SLC35F4: variants seen among roughly 807,000 people sequenced by gnomAD.
SLC35F4 encodes the protein solute carrier family 35 member F4, also known as chromosome 14 open reading frame 36.
In SLC35F4, 24 loss-of-function variants were observed where a neutral mutation model predicts 44.2. The observed-to-expected ratio is 0.54, with a 90% CI of 0.39 to 0.76. The LOEUF (loss-of-function observed/expected upper bound fraction) is 0.76, where lower values mean the gene tolerates loss of function less well. Ranked by LOEUF, SLC35F4 falls within the 30% of genes least tolerant of loss-of-function variation. The pLI, the probability that SLC35F4 is intolerant of heterozygous loss-of-function variation, is 0.00. For missense variants in SLC35F4, 562 were observed against 586.1 expected, an observed-to-expected ratio of 0.96 and a Z score of 0.42; for synonymous variants, 238 against 223.6, an observed-to-expected ratio of 1.06 and a Z score of -0.57.
At chr14:57,950,578 G>T (rs1233293714) in intron 1 of SLC35F4, among the ~76,000 whole-genome samples, 1 of 151,338 alleles carries the variant, frequency 6.6e-6, no homozygotes, top group Non-Finnish European at 1.5e-5. Flanking sequence ...TAGGGTGATT[G>T]TTGGGGATGT....
intron 1 of SLC35F4, among the ~76,000 whole-genome samples, chr14:57,779,718 A>G (rs1025517798): frequency 6.6e-6 from 1 of 152,200 alleles, no homozygotes; most frequent in Non-Finnish European, 1.5e-5. Flanking sequence ...GCAGCACATG[A>G]AAAAGCTAAT....
chr14:57,617,004 C>A (rs920356648), intron 1 of SLC35F4, among the ~76,000 whole-genome samples: 2 of 151,992 alleles, frequency 1.3e-5, no homozygotes, highest in Non-Finnish European at 2.9e-5. Flanking sequence ...TTTGCAAAAA[C>A]AGCGTGAATG....
intron 1 of SLC35F4, among the ~76,000 whole-genome samples, chr14:57,824,935 G>T (rs1304628530): frequency 6.6e-6 from 1 of 152,102 alleles, no homozygotes; most frequent in Non-Finnish European, 1.5e-5. Flanking sequence ...GATCCCTCTA[G>T]CTTCCGTGTG....
Position 57,581,211 on chromosome 14 carries a change from T to C in SLC35F4, c.807+3A>G. 1 of 1,544,362 alleles carries C rather than the reference T, an allele frequency of 6.5e-7. No homozygotes were observed. Among genetic ancestry groups the C allele is most frequent in the Non-Finnish European group, 8.7e-7 (1 of 1,147,908 alleles). On this transcript the variant is annotated splice_donor_region_variant and intron_variant, in intron 4 of 7. Transcript: ENST00000556826. Reference sequence around the variant, plus strand: ...TCGCGCATTGAATCAAGTATGCCATTACCCTCACTCCCATGAACCTGTCTT... The same window carrying C: ...TCGCGCATTGAATCAAGTATGCCATCACCCTCACTCCCATGAACCTGTCTT...
At chr14:57,608,378 C>A (rs1048759422) in intron 1 of SLC35F4, among the ~76,000 whole-genome samples, 3 of 152,084 alleles carry the variant, frequency 2.0e-5, no homozygotes, top group African/African-American at 7.2e-5. Flanking sequence ...AAAACTTGGG[C>A]ACACACACTC....
chr14:57,880,002 A>G (rs1888486944), intron 1 of SLC35F4, among the ~76,000 whole-genome samples: 1 of 142,794 alleles, frequency 7.0e-6, no homozygotes, highest in African/African-American at 2.7e-5. Flanking sequence ...AAGGAAGGAA[A>G]GAGAAGGGAA....
intron 1 of SLC35F4, among the ~76,000 whole-genome samples, chr14:57,846,748 C>T (rs867713291): frequency 5.9e-5 from 9 of 152,250 alleles, no homozygotes; most frequent in South Asian, 4.1e-4. Flanking sequence ...TTAACAGTGA[C>T]GTTATCCCAT....
At chr14:57,632,042 C>A (rs926688981) in intron 1 of SLC35F4, among the ~76,000 whole-genome samples, 2 of 152,062 alleles carry the variant, frequency 1.3e-5, no homozygotes, top group African/African-American at 2.4e-5. Context: ...AGGATTGATT[C>A]TAGAACCTTT....
intron 1 of SLC35F4, among the ~76,000 whole-genome samples, chr14:57,760,796 G>A (rs2077105705): frequency 6.6e-6 from 1 of 152,112 alleles, no homozygotes; most frequent in Admixed American, 6.6e-5. Flanking sequence ...ATTATTTCCA[G>A]TACTGTGTGA....
intron 1 of SLC35F4, among the ~76,000 whole-genome samples, chr14:57,755,171 C>T (rs1452776587): frequency 6.6e-6 from 1 of 152,204 alleles, no homozygotes; most frequent in Non-Finnish European, 1.5e-5. Context: ...AGTGGCCCTC[C>T]AATCCACCCT....
At chr14:57,666,288 C>G (rs2074305675) in intron 1 of SLC35F4, among the ~76,000 whole-genome samples, 1 of 152,148 alleles carries the variant, frequency 6.6e-6, no homozygotes, top group African/African-American at 2.4e-5. Flanking sequence ...TCCAAATAAT[C>G]AAATACTATC....
chr14:57,926,730 G>A (rs879479177), intron 1 of SLC35F4, among the ~76,000 whole-genome samples: 52 of 128,992 alleles, frequency 4.0e-4, no homozygotes, highest in South Asian at 9.4e-4. Flanking sequence ...AGGGTTGGGG[G>A]GGGGGGGTGG....
intron 1 of SLC35F4, among the ~76,000 whole-genome samples, chr14:57,700,539 A>G (rs765309736): frequency 3.9e-5 from 6 of 152,158 alleles, no homozygotes; most frequent in Non-Finnish European, 5.9e-5. Context: ...TTACTTTATA[A>G]ATTTAAATTA....
chr14:57,633,532 A>G (rs1489856049), intron 1 of SLC35F4, among the ~76,000 whole-genome samples: 2 of 152,154 alleles, frequency 1.3e-5, no homozygotes, highest in African/African-American at 2.4e-5. Flanking sequence ...AAATAATTTT[A>G]GACTCACATA....
At chr14:57,584,289 ATTATTTTG>A (rs2069526620) in intron 3 of SLC35F4, among the ~76,000 whole-genome samples, 2 of 152,186 alleles carry the variant, frequency 1.3e-5, no homozygotes. Context: ...TTCATTGAAA[ATTATTTTG>A]ATATTACTGA....
chr14:57,625,996 A>G (rs1281317838), intron 1 of SLC35F4, among the ~76,000 whole-genome samples: 1 of 151,940 alleles, frequency 6.6e-6, no homozygotes, highest in Non-Finnish European at 1.5e-5. Flanking sequence ...GCAGCCATAA[A>G]AAAGGATGAG....
chr14:57,726,400 T>C (rs547187676), intron 1 of SLC35F4, among the ~76,000 whole-genome samples: 86 of 152,326 alleles, frequency 5.6e-4, no homozygotes, highest in Non-Finnish European at 1.1e-3. Context: ...TATGACCACA[T>C]GACCAGCTGC....
chr14:57,946,996 T>C (rs1890045165), intron 1 of SLC35F4, among the ~76,000 whole-genome samples: 1 of 152,216 alleles, frequency 6.6e-6, no homozygotes, highest in Non-Finnish European at 1.5e-5. Context: ...TTTAGAGTTG[T>C]TTTTTTCTAG....
Position 57,939,091 on chromosome 14 carries a change from TC to T in SLC35F4, n.282+42821del, listed in dbSNP as rs200656560. On this transcript the variant is annotated intron_variant and non_coding_transcript_variant, in intron 1 of 1. Transcript: ENST00000556568. ...ATGCATGCTTCAGTGCTGGTATCTT[TC>T]CCCCCGAGAGGGAGAGGTGCACCAG... 3.3e-5 allele frequency among the ~76,000 whole-genome samples: 5 copies of T among 151,734 alleles called. No homozygotes were observed. In the South Asian group the frequency reaches 1.1e-3, roughly 32 times the overall value.
Sources: gnomAD v4.1 joint callset for allele counts (sites outside exome capture counted in the v4.1 genomes callset) on GRCh38, gnomAD v4.1.1 for gene constraint, MANE v1.5 for transcripts, NCBI Gene and HGNC (gene_info 2026-07-23, HGNC 2026-07-21) for gene names.